Variants in ZFHX3 observed in about 807,000 individuals in gnomAD.
ZFHX3 encodes zinc finger homeobox 3, also known as zinc finger homeobox protein 3.
Under a neutral mutation model 279.1 loss-of-function variants are expected in ZFHX3, and 42 were observed. The observed-to-expected ratio is 0.15, with a 90% CI of 0.12 to 0.19. ZFHX3 has a LOEUF of 0.19. Among genes scored for constraint, ZFHX3 ranks in the 10% least tolerant of loss-of-function variants. The pLI is 1.00. For missense variants in ZFHX3, 4,981 were observed against 4,754.0 expected (o/e 1.05, Z -1.40); for synonymous variants, 2,293 against 1,957.8 (o/e 1.17, Z -4.52).
intron 2 of ZFHX3, chr16:73,554,241 A>G (rs1455332989): frequency 6.6e-6 from 1 of 152,242 alleles, no homozygotes; most frequent in African/African-American, 2.4e-5. Context: ...ATAAAAAGAT[A>G]GAACGATTTT....
intron 1 of ZFHX3, among the ~76,000 whole-genome samples, chr16:73,800,942 C>T (rs562514557): frequency 6.6e-6 from 1 of 152,172 alleles, no homozygotes; most frequent in African/African-American, 2.4e-5. Context: ...CTCCGTTCTT[C>T]GGCCACTTGC....
intron 5 of ZFHX3, among the ~76,000 whole-genome samples, chr16:73,220,422 G>A (rs2012372706): frequency 6.6e-6 from 1 of 152,078 alleles, no homozygotes; most frequent in Non-Finnish European, 1.5e-5. Flanking sequence ...TAGGTGAAAT[G>A]TAAACCAATT....
chr16:73,252,125 G>A (rs1044604732), intron 5 of ZFHX3, among the ~76,000 whole-genome samples: 1 of 152,232 alleles, frequency 6.6e-6, no homozygotes, highest in African/African-American at 2.4e-5. Flanking sequence ...TAGCTGGGAA[G>A]AGATTATTTT....
intron 5 of ZFHX3, among the ~76,000 whole-genome samples, chr16:73,154,146 C>T (rs1967015601): frequency 6.6e-6 from 1 of 152,192 alleles, no homozygotes. Flanking sequence ...GATTGTCTTG[C>T]TTTCTCACTT....
chr16:72,883,935 C>A (rs1010984771), intron 4 of ZFHX3, among the ~76,000 whole-genome samples: 21 of 151,488 alleles, frequency 1.4e-4, no homozygotes, highest in Admixed American at 5.9e-4. Flanking sequence ...TTTATAAAAA[C>A]AATATTTCAG....
chr16:73,624,826 T>C (rs114183583), intron 2 of ZFHX3, among the ~76,000 whole-genome samples: 2,129 of 152,280 alleles, frequency 0.014, 54 homozygotes, highest in African/African-American at 0.048. Flanking sequence ...CTCCAGGTAG[T>C]GAGGCCAGAT....
intron 3 of ZFHX3, among the ~76,000 whole-genome samples, chr16:73,418,481 T>A (rs2017643617): frequency 6.6e-6 from 1 of 152,258 alleles, no homozygotes. Context: ...TTCTACATAG[T>A]GTGTATATGT....
chr16:73,889,265 G>A (rs1009966262), intron 1 of ZFHX3, among the ~76,000 whole-genome samples: 2 of 152,194 alleles, frequency 1.3e-5, no homozygotes, highest in African/African-American at 4.8e-5. Context: ...CGCCAGACCC[G>A]CGCTCCAGAA....
intron 5 of ZFHX3, among the ~76,000 whole-genome samples, chr16:73,181,345 C>A (rs958857823): frequency 4.6e-5 from 7 of 152,174 alleles, no homozygotes; most frequent in African/African-American, 1.7e-4. Context: ...CTGCCTCAGC[C>A]TCCAAAAGTA....
intron 4 of ZFHX3, among the ~76,000 whole-genome samples, chr16:72,874,238 A>C: frequency 8.5e-6 from 1 of 118,318 alleles, no homozygotes; most frequent in Admixed American, 1.1e-4. Flanking sequence ...AGACAGTCTC[A>C]CTCTGTCGCT....
intron 4 of ZFHX3, among the ~76,000 whole-genome samples, chr16:73,295,906 T>C (rs1339189075): frequency 1.3e-5 from 2 of 152,180 alleles, no homozygotes; most frequent in African/African-American, 4.8e-5. Context: ...TCTCCAATCC[T>C]ACCGTGGAAA....
chr16:72,797,208 G>T lies in ZFHX3; in HGVS notation c.5474C>A (p.Thr1825Asn). Reference protein sequence around the residue: ...LPVTSGALTLTGTGPGLLEDL... With the variant: ...LPVTSGALTLNGTGPGLLEDL... ...TTCCAGCAGGCCTGGGCCTGTCCCA[G>T]TCAGTGTCAGTGCCCCACTGGTCAC... The change falls in exon 9 of 10, where the codon ACT becomes AAT. Residue 1825 changes from threonine to asparagine, a missense_variant. Physicochemically the swap from Thr to Asn is moderately conservative, Grantham distance 65. Around this residue, in one of 7 missense-constraint regions of ZFHX3, gnomAD observed 1,751 missense variants for 1,770.0 expected, o/e 0.99. Transcript: ENST00000268489. 2 of 1,614,130 alleles carry T rather than the reference G, an allele frequency of 1.2e-6. No individual in the cohort carries two copies. The highest frequency in any genetic ancestry group is 2.2e-5 in the South Asian group (2 of 91,080).
intron 3 of ZFHX3, among the ~76,000 whole-genome samples, chr16:73,356,840 T>C (rs1362554332): frequency 6.9e-6 from 1 of 145,136 alleles, no homozygotes; most frequent in East Asian, 2.0e-4. Context: ...CCTGAGGGCT[T>C]TTTTTTTTTT....
chr16:73,451,430 C>A (rs978786074), intron 3 of ZFHX3, among the ~76,000 whole-genome samples: 2 of 152,202 alleles, frequency 1.3e-5, no homozygotes, highest in Non-Finnish European at 2.9e-5. Context: ...TTTGTAAAAT[C>A]TGTGGCTTCT....
chr16:73,030,376 C>A (rs1461431179), intron 1 of ZFHX3, among the ~76,000 whole-genome samples: 3 of 152,368 alleles, frequency 2.0e-5, no homozygotes, highest in South Asian at 2.1e-4. Context: ...AAGGCAAGTG[C>A]CCCCAGTTCC....
At chr16:73,326,259 T>C (rs2015687023) in intron 3 of ZFHX3, among the ~76,000 whole-genome samples, 1 of 152,132 alleles carries the variant, frequency 6.6e-6, no homozygotes, top group African/African-American at 2.4e-5. Context: ...AATTTGGAAA[T>C]CTGGAAGGCA....
At chr16:73,339,175 T>C (rs1282321850) in intron 3 of ZFHX3, among the ~76,000 whole-genome samples, 1 of 152,210 alleles carries the variant, frequency 6.6e-6, no homozygotes, top group African/African-American at 2.4e-5. Flanking sequence ...CTTCAGAATC[T>C]GATTTTAAGT....
chr16:72,893,039 T>C (rs1471103135), intron 3 of ZFHX3, among the ~76,000 whole-genome samples: 1 of 152,128 alleles, frequency 6.6e-6, no homozygotes, highest in Non-Finnish European at 1.5e-5. Context: ...GACCAGGATA[T>C]TCCAGGCAGC....
chr16:73,524,475 T>C (rs2019658464), intron 2 of ZFHX3, among the ~76,000 whole-genome samples: 1 of 152,184 alleles, frequency 6.6e-6, no homozygotes, highest in South Asian at 2.1e-4. Context: ...GCAGAAATCA[T>C]CTTTGTGGCC....
Sources: allele counts gnomAD v4.1 joint callset (sites outside exome capture counted in the v4.1 genomes callset), GRCh38; gene constraint gnomAD v4.1.1; regional missense constraint gnomAD v4.1.1; transcripts MANE v1.5; gene names NCBI Gene and HGNC (gene_info 2026-07-23, HGNC 2026-07-21).